The following NACC2 variants were observed in gnomAD, a reference collection of about 807,000 sequenced individuals.
NACC2 encodes the protein NACC family member 2, also known as nucleus accumbens-associated protein 2.
In NACC2, 8 loss-of-function variants were observed where a neutral mutation model predicts 25.1. That is an observed-to-expected ratio of 0.32 (90% CI 0.19 to 0.57). NACC2 has a LOEUF of 0.57. Among genes scored for constraint, NACC2 ranks in the 20% least tolerant of loss-of-function variants. The pLI is 0.89. For missense variants in NACC2, 644 were observed against 650.2 expected (o/e 0.99, Z 0.10); for synonymous variants, 435 against 294.7 (o/e 1.48, Z -4.88).
At chr9:136,017,626 C>T (rs933350731) in intron 2 of NACC2, among the ~76,000 whole-genome samples, 1 of 152,156 alleles carries the variant, frequency 6.6e-6, no homozygotes, top group Non-Finnish European at 1.5e-5. Context: ...TGAGCGGGCC[C>T]CCGGTGCTCA....
intron 1 of NACC2, among the ~76,000 whole-genome samples, chr9:136,056,947 G>T (rs1401439902): frequency 2.0e-5 from 3 of 152,224 alleles, no homozygotes; most frequent in African/African-American, 7.2e-5. Context: ...GGCCACCCGT[G>T]GGCAGGCCCA....
chr9:136,012,341 C>T (rs534696613), intron 5 of NACC2, among the ~76,000 whole-genome samples: 4 of 152,250 alleles, frequency 2.6e-5, no homozygotes, highest in Non-Finnish European at 4.4e-5. Flanking sequence ...CAACGGCTAA[C>T]GGGAACTGGT....
At chr9:136,044,738 G>A (rs1840694317) in intron 2 of NACC2, among the ~76,000 whole-genome samples, 1 of 152,268 alleles carries the variant, frequency 6.6e-6, no homozygotes, top group African/African-American at 2.4e-5. Flanking sequence ...TGAGCTGCTG[G>A]TGGGAGCGGC....
At chr9:136,017,112 C>T (rs1382874071) in intron 2 of NACC2, among the ~76,000 whole-genome samples, 1 of 152,152 alleles carries the variant, frequency 6.6e-6, no homozygotes, top group East Asian at 1.9e-4. Flanking sequence ...GCCAGGCTGG[C>T]CGACACGCCA....
chr9:136,047,324 G>A (rs983043573), intron 2 of NACC2, among the ~76,000 whole-genome samples: 4 of 152,122 alleles, frequency 2.6e-5, no homozygotes, highest in Non-Finnish European at 4.4e-5. Flanking sequence ...ACCCAGCGAC[G>A]CCAGCAACGT....
At chr9:136,017,658 C>T (rs1840223197) in intron 2 of NACC2, among the ~76,000 whole-genome samples, 1 of 152,208 alleles carries the variant, frequency 6.6e-6, no homozygotes, top group Admixed American at 6.5e-5. Flanking sequence ...GGACACCAGT[C>T]CGGCACTCCT....
chr9:136,029,779 AGCCAGTGTGCCTG>A (rs1171986781), intron 2 of NACC2, among the ~76,000 whole-genome samples: 3 of 152,186 alleles, frequency 2.0e-5, no homozygotes, highest in African/African-American at 7.2e-5. Context: ...ACCCCACTGC[AGCCAGTGTGCCTG>A]GCTGTGCACA....
intron 1 of NACC2, among the ~76,000 whole-genome samples, chr9:136,067,332 G>A (rs1026078604): frequency 3.9e-5 from 6 of 152,016 alleles, no homozygotes; most frequent in Non-Finnish European, 8.8e-5. Flanking sequence ...GGGAGGGATG[G>A]GGAAATGAGA....
intron 1 of NACC2, among the ~76,000 whole-genome samples, chr9:136,058,783 T>C (rs1332410790): frequency 6.6e-6 from 1 of 152,238 alleles, no homozygotes; most frequent in East Asian, 1.9e-4. Flanking sequence ...AGATTCGGAA[T>C]AGCCCCCACC....
chr9:136,052,668 A>G (rs1840863647), intron 1 of NACC2, among the ~76,000 whole-genome samples: 1 of 152,146 alleles, frequency 6.6e-6, no homozygotes, highest in East Asian at 1.9e-4. Context: ...ACTTTAAGAA[A>G]AGAGCGACTT....
At chr9:136,043,842 T>C (rs1009265592) in intron 2 of NACC2, among the ~76,000 whole-genome samples, 4 of 152,186 alleles carry the variant, frequency 2.6e-5, no homozygotes, top group African/African-American at 9.7e-5. Flanking sequence ...TGTTTTTTGG[T>C]TGGGGACAGG....
In NACC2 at chr9:136,022,222, C is replaced by A. The variant is rs1840304211; in HGVS notation, c.887-5793G>T. Among the ~76,000 whole-genome samples the A allele has an allele frequency of 6.6e-6, 1 of 152,176 alleles. No homozygotes were observed. Among genetic ancestry groups the A allele is most frequent in the Non-Finnish European group, 1.5e-5 (1 of 68,020 alleles). ...GGACCCAGGTGGAAATGGTGAGGGG[C>A]AATGTGGGGGCACCACAGACGGGTG... On this transcript the variant is annotated intron_variant, in intron 2 of 5. Coordinates refer to ENST00000277554, the MANE Select transcript of NACC2 (RefSeq NM_144653.5). This position sits in a 1 kb window ranked among gnomAD's most constrained non-coding sequence, Gnocchi z 4.4.
rs183761755 is a variant in NACC2 at position 136,055,460 on chromosome 9, G to A, written c.-59-4880C>T. Reference sequence around the variant, plus strand: ...GACCAGTCAGGCAGCCCAACAGGAGGAGCCCTTTTCCTGGGGCCCAGCCAG... The same window carrying A: ...GACCAGTCAGGCAGCCCAACAGGAGAAGCCCTTTTCCTGGGGCCCAGCCAG... On this transcript the variant is annotated intron_variant, in intron 1 of 5. Coordinates refer to ENST00000277554, the MANE Select transcript of NACC2 (RefSeq NM_144653.5). The surrounding 1 kb of genome is among the most constrained non-coding windows in gnomAD (Gnocchi z 4.9). Among the ~76,000 whole-genome samples, 241 of 152,236 alleles carry A rather than the reference G, an allele frequency of 1.6e-3. 3 individuals are homozygous for A. Among genetic ancestry groups the A allele is most frequent in the African/African-American group, 5.3e-3 (220 of 41,550 alleles).
chr9:136,087,716 G>C (rs989471114), intron 1 of NACC2, among the ~76,000 whole-genome samples: 5 of 152,230 alleles, frequency 3.3e-5, no homozygotes, highest in Non-Finnish European at 5.9e-5. Context: ...CGCAGCACGG[G>C]GGGAAATGAG....
Position 136,013,185 on chromosome 9 carries a change from C to A in NACC2, c.1255+14G>T. On this transcript the variant is annotated intron_variant, in intron 5 of 5. Transcript: ENST00000277554. The surrounding 1 kb of genome is among the most constrained non-coding windows in gnomAD (Gnocchi z 6.6). The stretch of plus-strand genomic sequence containing the variant: ...CCCCGGCCCCACCCACCCGAGAGAC[C>A]CCCAGGCTCTTACATTTCACAGCGT... The A allele has an allele frequency of 6.4e-7, 1 of 1,552,766 alleles. No homozygotes were observed. The highest frequency in any genetic ancestry group is 8.9e-7 in the Non-Finnish European group (1 of 1,128,336).
At chr9:136,041,274 T>C (rs933721409) in intron 2 of NACC2, among the ~76,000 whole-genome samples, 10 of 151,998 alleles carry the variant, frequency 6.6e-5, no homozygotes, top group Middle Eastern at 3.4e-3. Flanking sequence ...ATACAAAAAA[T>C]CAGCTGCCAT....
At chr9:136,014,155 A>T (rs1225588334) in intron 3 of NACC2, among the ~76,000 whole-genome samples, 186 bp from the exon 4 acceptor site, 1 of 152,060 alleles carries the variant, frequency 6.6e-6, no homozygotes, top group East Asian at 1.9e-4. Flanking sequence ...GGCCATGGCC[A>T]AGGCCAGCCC....
At chr9:136,074,526 A>G (rs995761246) in intron 1 of NACC2, among the ~76,000 whole-genome samples, 2 of 149,112 alleles carry the variant, frequency 1.3e-5, no homozygotes, top group Non-Finnish European at 3.0e-5. Context: ...CTTTATAAAG[A>G]TGTTAATAAT....
rs546796924 is a variant in NACC2 at position 136,022,256 on chromosome 9, C to T, written c.887-5827G>A. Among the ~76,000 whole-genome samples, 1 of 152,300 alleles carries T rather than the reference C, an allele frequency of 6.6e-6. No homozygotes were observed. The highest frequency in any genetic ancestry group is 2.1e-4 in the South Asian group (1 of 4,830). Reference sequence around the variant, plus strand: ...GGCACCACAGACGGGTGACCAGGCCCGGGTGATGAGGTAACGGGTGCCCCA... The same window carrying T: ...GGCACCACAGACGGGTGACCAGGCCTGGGTGATGAGGTAACGGGTGCCCCA... On this transcript the variant is annotated intron_variant, in intron 2 of 5. Transcript: ENST00000277554. This position sits in a 1 kb window ranked among gnomAD's most constrained non-coding sequence, Gnocchi z 4.4.
Sources: gnomAD v4.1 joint callset for allele counts (sites outside exome capture counted in the v4.1 genomes callset) on GRCh38, gnomAD v4.1.1 for gene constraint, Gnocchi (gnomAD v3.1) non-coding constraint, MANE v1.5 for transcripts, NCBI Gene and HGNC (gene_info 2026-07-23, HGNC 2026-07-21) for gene names.